Variants in CCDC6 observed in about 807,000 individuals in gnomAD.
CCDC6 encodes the protein coiled-coil domain containing 6, also known as coiled-coil domain-containing protein 6.
In CCDC6, 20 loss-of-function variants were observed where a neutral mutation model predicts 56.6. That is an observed-to-expected ratio of 0.35 (90% CI 0.25 to 0.51). The LOEUF is 0.51. Ranked by LOEUF, CCDC6 falls within the 20% of genes least tolerant of loss-of-function variation. The pLI, the probability that CCDC6 is intolerant of heterozygous loss-of-function variation, is 0.95. For synonymous variants in CCDC6, 241 were observed against 234.4 expected (o/e 1.03, Z -0.26); for missense variants, 367 against 601.1 (o/e 0.61, Z 4.07).
chr10:59,819,431 T>C (rs2070734607), intron 3 of CCDC6, among the ~76,000 whole-genome samples: 1 of 152,206 alleles, frequency 6.6e-6, no homozygotes, highest in Admixed American at 6.5e-5. Flanking sequence ...GAGGAAATCA[T>C]ATTGAGTCCC....
At chr10:59,851,929 A>AGGG (rs1589050121) in intron 2 of CCDC6, among the ~76,000 whole-genome samples, 1 of 135,298 alleles carries the variant, frequency 7.4e-6, no homozygotes, top group Non-Finnish European at 1.6e-5. Context: ...GAAAGGGGGA[A>AGGG]AAAAAAGGAG....
At chr10:59,800,386 G>A (rs558782393) in intron 7 of CCDC6, among the ~76,000 whole-genome samples, 2 of 152,312 alleles carry the variant, frequency 1.3e-5, no homozygotes, top group South Asian at 4.1e-4. Flanking sequence ...GAATGTTGTA[G>A]AAATGGTATC....
chr10:59,814,792 C>G, intron 3 of CCDC6, 37 bp from the exon 4 acceptor site: 6 of 1,292,122 alleles, frequency 4.6e-6, no homozygotes, highest in Non-Finnish European at 6.8e-6. Context: ...AAGTGTCAGG[C>G]CACTTATACT....
chr10:59,896,701 G>A (rs2071466654), intron 1 of CCDC6, among the ~76,000 whole-genome samples: 1 of 152,128 alleles, frequency 6.6e-6, no homozygotes, highest in African/African-American at 2.4e-5. Context: ...ATTGTTTAAT[G>A]GGTACAGAGT....
intron 1 of CCDC6, among the ~76,000 whole-genome samples, chr10:59,888,157 C>A (rs557440708): frequency 4.4e-4 from 67 of 152,352 alleles, no homozygotes; most frequent in Non-Finnish European, 6.8e-4. Flanking sequence ...TCACAGCTTC[C>A]TGTCTGGTGC....
chr10:59,816,841 A>G (rs1293545019), intron 3 of CCDC6, among the ~76,000 whole-genome samples: 1 of 152,184 alleles, frequency 6.6e-6, no homozygotes, highest in Non-Finnish European at 1.5e-5. Context: ...ATAGGCCATC[A>G]ATATATATTA....
chr10:59,892,018 G>T (rs2132682888), intron 1 of CCDC6, among the ~76,000 whole-genome samples: 1 of 152,294 alleles, frequency 6.6e-6, no homozygotes. Context: ...CATCACCAGG[G>T]GTTGTCCTTC....
Position 59,792,274 on chromosome 10 carries a change from C to A in CCDC6, c.*643G>T. ...CCCATTTATGTGGAGAAGGTACAGC[C>A]ACATGATTCATTACTTTGGGCCATC... On this transcript the variant is annotated 3_prime_UTR_variant, in exon 9 of 9. Transcript: ENST00000263102. 1 of 325,746 alleles carries A rather than the reference C, an allele frequency of 3.1e-6. No homozygotes were observed. Among genetic ancestry groups the A allele is most frequent in the Non-Finnish European group, 5.8e-6 (1 of 173,580 alleles). 20.2% of individuals were successfully genotyped at this position (325,746 alleles called of 1,614,324 possible).
chr10:59,893,320 C>CG (rs1385537425), intron 1 of CCDC6, among the ~76,000 whole-genome samples: 1 of 104,536 alleles, frequency 9.6e-6, no homozygotes, highest in Non-Finnish European at 2.7e-5. Flanking sequence ...ACTGAGCAGC[C>CG]GGGTATGGTG....
chr10:59,837,177 C>A (rs1269715299), intron 2 of CCDC6, among the ~76,000 whole-genome samples: 1 of 152,216 alleles, frequency 6.6e-6, no homozygotes, highest in Non-Finnish European at 1.5e-5. Context: ...AAGAACTCTG[C>A]ACCAAATGAC....
chr10:59,896,727 T>C (rs2071466825), intron 1 of CCDC6, among the ~76,000 whole-genome samples: 8 of 152,156 alleles, frequency 5.3e-5, no homozygotes, highest in Admixed American at 5.2e-4. Flanking sequence ...TTTGGGATGA[T>C]GAAAAGTTCT....
rs2070452269 is a variant in CCDC6 at position 59,789,794 on chromosome 10, T to C, written c.*3123A>G. 1.8e-5 allele frequency: 4 copies of C among 220,488 alleles called. No homozygotes were observed. In the Admixed American group the frequency reaches 2.3e-4, roughly 13 times the overall value. The allele number at this position is 220,488 out of a possible 1,614,324, so 13.7% of individuals were successfully genotyped here. Reference sequence around the variant, plus strand: ...TGGGCATTCTCTAAAAGCAAGGCTTTGTGCAGGAAAAGTTCATGTCTACCT... The same window carrying C: ...TGGGCATTCTCTAAAAGCAAGGCTTCGTGCAGGAAAAGTTCATGTCTACCT... On this transcript the variant is annotated 3_prime_UTR_variant, in exon 9 of 9. Coordinates refer to ENST00000263102, the MANE Select transcript of CCDC6 (RefSeq NM_005436.5).
At chr10:59,882,614 C>G (rs868049049) in intron 1 of CCDC6, among the ~76,000 whole-genome samples, 1,268 of 28,320 alleles carry the variant, frequency 0.045, 237 homozygotes, top group African/African-American at 0.087. Flanking sequence ...GGAAAGCCGG[C>G]GGGAGAAGGA....
chr10:59,830,133 T>G (rs1223278216), intron 3 of CCDC6, among the ~76,000 whole-genome samples: 1 of 152,204 alleles, frequency 6.6e-6, no homozygotes, highest in Non-Finnish European at 1.5e-5. Context: ...GATAACTGCC[T>G]TCAAGTGGCT....
At chr10:59,904,642 C>T (rs926205042) in intron 1 of CCDC6, among the ~76,000 whole-genome samples, 1 of 152,192 alleles carries the variant, frequency 6.6e-6, no homozygotes, top group South Asian at 2.1e-4. Context: ...TGCAAATTCC[C>T]CGCCCCCCAC....
intron 5 of CCDC6, among the ~76,000 whole-genome samples, chr10:59,812,026 C>A (rs2070676351): frequency 7.2e-6 from 1 of 138,382 alleles, no homozygotes; most frequent in Non-Finnish European, 1.5e-5. Flanking sequence ...ATACCTTTCA[C>A]TGAATTATCT....
chr10:59,837,223 C>T (rs2070890295), intron 2 of CCDC6, among the ~76,000 whole-genome samples: 1 of 152,230 alleles, frequency 6.6e-6, no homozygotes, highest in Non-Finnish European at 1.5e-5. Context: ...CAGGTAGAGG[C>T]ATTGAAAATC....
intron 1 of CCDC6, among the ~76,000 whole-genome samples, chr10:59,882,722 AGGCCG>A (rs1340039141): frequency 6.6e-6 from 1 of 152,174 alleles, no homozygotes; most frequent in Non-Finnish European, 1.5e-5. Flanking sequence ...ACAGTTTGGG[AGGCCG>A]AGGCAGGCGG....
At chr10:59,822,231 A>C in intron 3 of CCDC6, among the ~76,000 whole-genome samples, 1 of 152,240 alleles carries the variant, frequency 6.6e-6, no homozygotes, top group East Asian at 1.9e-4. Flanking sequence ...GACAACATTA[A>C]TATGCCATTA....
Sources: gnomAD v4.1 joint callset for allele counts (sites outside exome capture counted in the v4.1 genomes callset) on GRCh38, gnomAD v4.1.1 for gene constraint, MANE v1.5 for transcripts, NCBI Gene and HGNC (gene_info 2026-07-23, HGNC 2026-07-21) for gene names.